The following ARL15 variants were observed in gnomAD, a reference collection of about 807,000 sequenced individuals.
ARL15 encodes the protein ADP-ribosylation factor-like protein 15.
ARL15 carries 19 observed loss-of-function variants against 25.2 expected under a neutral mutation model. That is an observed-to-expected ratio of 0.75 (90% CI 0.53 to 1.10). ARL15 has a LOEUF of 1.10. Ranked by LOEUF, ARL15 falls within the 50% of genes least tolerant of loss-of-function variation. The pLI is 0.00. For synonymous variants in ARL15, 94 were observed against 86.8 expected (o/e 1.08, Z -0.46); for missense variants, 220 against 246.0 (o/e 0.89, Z 0.71).
intron 4 of ARL15, among the ~76,000 whole-genome samples, chr5:54,068,665 A>G (rs1037087749): frequency 6.6e-6 from 1 of 152,236 alleles, no homozygotes; most frequent in Non-Finnish European, 1.5e-5. Flanking sequence ...CAGACAAGAG[A>G]TTCTGCAGTA....
chr5:53,995,221 T>C (rs1237324296), intron 4 of ARL15, among the ~76,000 whole-genome samples: 1 of 149,590 alleles, frequency 6.7e-6, no homozygotes, highest in Non-Finnish European at 1.5e-5. Context: ...AGGCAGAGAA[T>C]TGCTTGAACC....
At chr5:54,130,968 A>G (rs1397953176) in intron 3 of ARL15, among the ~76,000 whole-genome samples, 2 of 152,144 alleles carry the variant, frequency 1.3e-5, no homozygotes, top group Non-Finnish European at 2.9e-5. Flanking sequence ...TTTGAGAGAA[A>G]TGTCTAGATG....
At chr5:54,229,030 G>T (rs578188461) in intron 1 of ARL15, among the ~76,000 whole-genome samples, 112 of 152,092 alleles carry the variant, frequency 7.4e-4, no homozygotes, top group Non-Finnish European at 1.2e-3. Context: ...GAACACAAGG[G>T]CCCCTCTTTC....
intron 4 of ARL15, among the ~76,000 whole-genome samples, chr5:54,088,924 G>C (rs977397676): frequency 7.2e-5 from 11 of 152,164 alleles, no homozygotes; most frequent in African/African-American, 2.7e-4. Context: ...ATATTGGCTG[G>C]GAACAAAGTA....
In ARL15 at chr5:54,058,006, TTA is replaced by T. The variant is rs1306803354; in HGVS notation, c.462+55194_462+55195del. Among the ~76,000 whole-genome samples the T allele has an allele frequency of 4.3e-5, 6 of 138,604 alleles. No homozygotes were observed. In the East Asian group the frequency reaches 6.0e-4, roughly 14 times the overall value. The allele number at this position is 138,604 out of a possible 152,430, so 90.9% of individuals were successfully genotyped here. ...CTGGTGCCTTTATTTATTTATTTAT[TTA>T]TTTATTTATTTTTTTTGACAAAGTC... is the stretch of plus-strand genomic sequence containing the variant. On this transcript the variant is annotated intron_variant, in intron 4 of 4. Coordinates refer to ENST00000504924, the MANE Select transcript of ARL15 (RefSeq NM_019087.3).
chr5:53,938,602 G>T (rs767990369), intron 4 of ARL15, among the ~76,000 whole-genome samples: 37 of 152,230 alleles, frequency 2.4e-4, no homozygotes, highest in Admixed American at 1.3e-4. Flanking sequence ...AAGACAGGCA[G>T]ATCACTTGAG....
chr5:54,156,471 C>A (rs1404944756), intron 2 of ARL15, among the ~76,000 whole-genome samples: 8 of 152,136 alleles, frequency 5.3e-5, no homozygotes, highest in Non-Finnish European at 1.2e-4. Context: ...CATTATGTTT[C>A]CATTGATGCT....
At chr5:54,059,645 TGGAACCAGGATGAGAAA>T in intron 4 of ARL15, among the ~76,000 whole-genome samples, 1 of 152,210 alleles carries the variant, frequency 6.6e-6, no homozygotes, top group African/African-American at 2.4e-5. Context: ...AAGTGACAGT[TGGAACCAGGATGAGAAA>T]GCAGGATGAT....
intron 3 of ARL15, among the ~76,000 whole-genome samples, chr5:54,133,258 C>G (rs1251082757): frequency 6.6e-6 from 1 of 152,152 alleles, no homozygotes; most frequent in African/African-American, 2.4e-5. Flanking sequence ...GACATAGATA[C>G]TGAAGGTTAA....
At chr5:53,953,090 CAATGTTTATAA>C (rs1240466040) in intron 4 of ARL15, among the ~76,000 whole-genome samples, 1 of 152,118 alleles carries the variant, frequency 6.6e-6, no homozygotes, top group African/African-American at 2.4e-5. Context: ...AACAATGACA[CAATGTTTATAA>C]ATATTTATAT....
intron 4 of ARL15, among the ~76,000 whole-genome samples, chr5:54,029,460 C>T (rs979707196): frequency 1.3e-5 from 2 of 151,130 alleles, no homozygotes; most frequent in African/African-American, 4.9e-5. Context: ...TATTAAAAAC[C>T]CCCACTCTCT....
At chr5:53,944,244 G>T (rs2112094541) in intron 4 of ARL15, among the ~76,000 whole-genome samples, 1 of 152,226 alleles carries the variant, frequency 6.6e-6, no homozygotes, top group East Asian at 1.9e-4. Flanking sequence ...TGGGGCTTTA[G>T]AAAAAGTCCA....
chr5:53,931,474 A>G (rs2112051864), intron 4 of ARL15, among the ~76,000 whole-genome samples: 1 of 152,306 alleles, frequency 6.6e-6, no homozygotes, highest in East Asian at 1.9e-4. Flanking sequence ...ATTGTTAGAA[A>G]GCTTGCTTTT....
intron 4 of ARL15, among the ~76,000 whole-genome samples, chr5:54,039,800 TA>T (rs35030165): frequency 0.32 from 16,737 of 51,852 alleles, 765 homozygotes; most frequent in Admixed American, 0.42. Context: ...AGACTCTGTC[TA>T]AAAAAAAAAA....
At chr5:54,103,162 A>ATT (rs545766519) in intron 4 of ARL15, among the ~76,000 whole-genome samples, 1 of 150,110 alleles carries the variant, frequency 6.7e-6, no homozygotes, top group African/African-American at 2.4e-5. Flanking sequence ...AAACTTGTAA[A>ATT]TTTTTTTTTT....
At chr5:54,123,147 T>C (rs988771370) in intron 3 of ARL15, among the ~76,000 whole-genome samples, 4 of 151,900 alleles carry the variant, frequency 2.6e-5, no homozygotes, top group Admixed American at 2.0e-4. Flanking sequence ...TTCGCTCTTT[T>C]TGCGCAGGCT....
At chr5:54,143,269 T>C (rs1293038818) in intron 3 of ARL15, among the ~76,000 whole-genome samples, 1 of 152,102 alleles carries the variant, frequency 6.6e-6, no homozygotes, top group African/African-American at 2.4e-5. Flanking sequence ...CTTTATATAG[T>C]TCAGGATTAT....
At chr5:54,156,590 A>T (rs1754240799) in intron 2 of ARL15, among the ~76,000 whole-genome samples, 1 of 152,226 alleles carries the variant, frequency 6.6e-6, no homozygotes, top group Non-Finnish European at 1.5e-5. Context: ...GTAGTTGGAG[A>T]TGTAAAAGTT....
intron 4 of ARL15, among the ~76,000 whole-genome samples, chr5:54,014,595 A>C (rs1307471236): frequency 6.6e-6 from 1 of 151,184 alleles, no homozygotes; most frequent in Non-Finnish European, 1.5e-5. Context: ...ATCTCAGCTC[A>C]CTGCAATCTC....
Sources: gnomAD v4.1 joint callset for allele counts (sites outside exome capture counted in the v4.1 genomes callset) on GRCh38, gnomAD v4.1.1 for gene constraint, MANE v1.5 for transcripts, NCBI Gene and HGNC (gene_info 2026-07-23, HGNC 2026-07-21) for gene names.